Variants in ANAPC4 observed in about 807,000 individuals in gnomAD.
ANAPC4 encodes anaphase-promoting complex subunit 4.
In ANAPC4, 63 loss-of-function variants were observed where a neutral mutation model predicts 119.8. The ratio of observed to expected loss-of-function variants is 0.53; its 90% CI spans 0.43 to 0.65. The LOEUF (loss-of-function observed/expected upper bound fraction) is 0.65, where lower values mean the gene tolerates loss of function less well. ANAPC4 is among the 30% of genes least tolerant of loss of function. The pLI is 0.00. For missense variants in ANAPC4, 716 were observed against 945.1 expected (o/e 0.76, Z 3.18); for synonymous variants, 283 against 318.6 (o/e 0.89, Z 1.19).
In ANAPC4 at chr4:25,390,212, G is replaced by A; in HGVS notation, c.592G>A (p.Val198Ile). The A allele has an allele frequency of 6.2e-7, 1 of 1,609,348 alleles. No individual in the cohort carries two copies. The highest frequency in any genetic ancestry group is 1.1e-5 in the South Asian group (1 of 90,674). ...YAYGMFKIAR[V>I]TGIAGTCLAL... ...TTATGGAATGTTTAAAATTGCTCGA[G>A]TCACAGGGGTAAGATTTCTTTAACA... Residue 198 changes from valine to isoleucine, a missense_variant, in exon 8 of 29, where the codon GTC becomes ATC. Physicochemically the swap from Val to Ile is conservative, Grantham distance 29. Around this residue, in one of 3 missense-constraint regions of ANAPC4, gnomAD observed 202 missense variants for 293.5 expected, o/e 0.69. Coordinates refer to ENST00000315368, the MANE Select transcript of ANAPC4 (RefSeq NM_013367.3).
In ANAPC4 at chr4:25,413,703, G is replaced by T. The variant is rs1238408860; in HGVS notation, c.1584G>T (p.Arg528=). 1 of 1,613,416 alleles carries T rather than the reference G, an allele frequency of 6.2e-7. No homozygotes were observed. Among genetic ancestry groups the T allele is most frequent in the African/African-American group, 1.3e-5 (1 of 74,886 alleles). The part of the protein sequence containing the change: ...PRKSLHFVKR[R]MENIIDQCLQ... ...AATCATTGCATTTTGTGAAAAGGCG[G>T]ATGGAGAATATTATTGATCAGTGTT... The change falls in exon 22 of 29, where the codon CGG becomes CGT. Residue 528 remains arginine, a synonymous_variant. Coordinates refer to ENST00000315368, the MANE Select transcript of ANAPC4 (RefSeq NM_013367.3).
At chr4:25,415,360 G>A in intron 25 of ANAPC4, 106 bp from the exon 26 acceptor site, 1 of 778,532 alleles carries the variant, frequency 1.3e-6, no homozygotes. Flanking sequence ...GTGTTCTAAA[G>A]AAGTACATGT....
intron 10 of ANAPC4, among the ~76,000 whole-genome samples, chr4:25,393,494 T>G (rs978336957): frequency 6.6e-6 from 1 of 152,026 alleles, no homozygotes; most frequent in African/African-American, 2.4e-5. Context: ...AAGCCCCGTC[T>G]CTACTAAAAA....
rs118142327 is a variant in ANAPC4 at position 25,408,559 on chromosome 4, A to G, written c.1432-1139A>G. On this transcript the variant is annotated intron_variant, in intron 20 of 28. Coordinates refer to ENST00000315368, the MANE Select transcript of ANAPC4 (RefSeq NM_013367.3). ...AAAATTTTTTTTTTTTTGAGACAAG[A>G]TATTTCCTCTGAGTAGTACAGTGGT... Among the ~76,000 whole-genome samples the G allele has an allele frequency of 6.8e-3, 1,024 of 151,162 alleles. 33 individuals are homozygous for G. The East Asian group carries it at 0.11, about 16-fold the overall frequency.
chr4:25,379,824 G>A (rs1256640406), intron 2 of ANAPC4, among the ~76,000 whole-genome samples: 2 of 152,174 alleles, frequency 1.3e-5, no homozygotes, highest in Non-Finnish European at 2.9e-5. Context: ...AGCATGTGCA[G>A]TGGTGAGGCC....
At chr4:25,413,615 A>G (rs1403559280) in intron 21 of ANAPC4, 30 bp from the exon 22 acceptor site, 1 of 1,544,510 alleles carries the variant, frequency 6.5e-7, no homozygotes, top group East Asian at 2.3e-5. Context: ...AGCTTCTTTT[A>G]TTTTTGTTTC....
intron 9 of ANAPC4, 81 bp downstream of exon 9, chr4:25,391,096 G>A (rs1000475454): frequency 2.0e-6 from 2 of 1,022,216 alleles, no homozygotes; most frequent in East Asian, 2.5e-5. Context: ...ACATCTCACT[G>A]TATTGTAATG....
chr4:25,394,776 G>C (rs984178066), intron 13 of ANAPC4, 53 bp from the exon 14 acceptor site: 1 of 1,584,902 alleles, frequency 6.3e-7, no homozygotes, highest in Non-Finnish European at 8.6e-7. Flanking sequence ...TTTTTTTCGA[G>C]TGGCATATAA....
Position 25,377,491 on chromosome 4 carries a change from G to T in ANAPC4, c.64G>T (p.Glu22Ter). 1 of 1,614,076 alleles carries T rather than the reference G, an allele frequency of 6.2e-7. No homozygotes were observed. Among genetic ancestry groups the T allele is most frequent in the Non-Finnish European group, 8.5e-7 (1 of 1,179,992 alleles). Residue 22 changes from glutamate to a stop codon, truncating the protein, a stop_gained, in exon 2 of 29, where the codon GAG becomes TAG. Transcript: ENST00000315368. LOFTEE classifies it high-confidence loss of function. Reference protein sequence around the residue: ...RVVGEKQLPQEIIFLVWSPKR... With the variant: ...RVVGEKQLPQ ...GGTGGGAGAGAAGCAGCTCCCGCAG[G>T]AGATTATTTTCCTGGTCTGGTCGCC...
chr4:25,411,880 G>T (rs1029775701), intron 21 of ANAPC4, among the ~76,000 whole-genome samples: 19 of 152,152 alleles, frequency 1.2e-4, no homozygotes, highest in South Asian at 2.1e-4. Flanking sequence ...CACCAACGGG[G>T]TGTCCTACAA....
intron 2 of ANAPC4, among the ~76,000 whole-genome samples, chr4:25,377,834 C>T (rs1242048624): frequency 6.6e-6 from 1 of 152,232 alleles, no homozygotes; most frequent in Non-Finnish European, 1.5e-5. Flanking sequence ...TCCTGCTTCC[C>T]CAAGTCTTCT....
At chr4:25,415,645 CT>C (rs1212407272) in intron 26 of ANAPC4, 105 bp downstream of exon 26, 2 of 866,596 alleles carry the variant, frequency 2.3e-6, no homozygotes, top group Non-Finnish European at 1.8e-6. Context: ...GGTAAAAGGG[CT>C]TTGCCACTTC....
At position 25,394,916 on chromosome 4, in the gene ANAPC4, G is replaced by A; in HGVS notation, c.1061+11G>A. The A allele has an allele frequency of 6.2e-7, 1 of 1,604,974 alleles. No individual in the cohort carries two copies. ...AAGTCATTTACAGAGGTATGAAGGT[G>A]ACGTAGAATTTTTTGGTATTGTATC... On this transcript the variant is annotated intron_variant, in intron 14 of 28. Transcript: ENST00000315368.
At position 25,383,339 on chromosome 4, in the gene ANAPC4, C is replaced by T; in HGVS notation, c.314C>T (p.Ser105Phe). The change falls in exon 4 of 29, where the codon TCT (serine) becomes TTT (phenylalanine). Residue 105 changes from serine to phenylalanine, a missense_variant. By Grantham distance (155) the Ser-to-Phe change is radical. This residue lies in a region of ANAPC4 where 202 missense variants were observed against 293.5 expected (regional missense o/e 0.69). Transcript: ENST00000315368. Reference protein sequence around the residue: ...VEKPESLHSFSVEAPVSCMHW... With the variant: ...VEKPESLHSFFVEAPVSCMHW... ...AAACCTGAGAGCTTACACTCTTTTT[C>T]TGTGGAGGCTCCAGTTTCCTGTATG... The T allele has an allele frequency of 6.2e-7, 1 of 1,613,232 alleles. No individual in the cohort carries two copies. The highest frequency in any genetic ancestry group is 8.5e-7 in the Non-Finnish European group (1 of 1,179,660).
chr4:25,388,484 AT>A lies in ANAPC4; in HGVS notation c.369-10del. ...TCTTTGGTGTTTTTATAATGCTTTT[AT>A]TTTTTCCTTTTTAGTGTTCTCACAT... On this transcript the variant is annotated splice_polypyrimidine_tract_variant and intron_variant, in intron 4 of 28. Coordinates refer to ENST00000315368, the MANE Select transcript of ANAPC4 (RefSeq NM_013367.3). 6.6e-7 allele frequency: 1 copy of A among 1,520,280 alleles called. No individual in the cohort carries two copies. Among genetic ancestry groups the A allele is most frequent in the South Asian group, 1.2e-5 (1 of 83,934 alleles). The allele number at this position is 1,520,280 out of a possible 1,614,324, so 94.2% of individuals were successfully genotyped here. A position where few individuals can be genotyped will look rare whatever the true frequency, so the allele number is the denominator to read the frequency against.
At chr4:25,416,750 TTC>T (rs1281732358) in intron 27 of ANAPC4, 152 bp downstream of exon 27, 1 of 527,216 alleles carries the variant, frequency 1.9e-6, no homozygotes, top group Non-Finnish European at 3.0e-6. Context: ...CAATTTTTCA[TTC>T]AAAATATGCT....
chr4:25,418,423 G>C lies in ANAPC4; in HGVS notation c.*41G>C, dbSNP rs1192307280. On this transcript the variant is annotated 3_prime_UTR_variant, in exon 29 of 29. Transcript: ENST00000315368. ...TTGTGTGTGTAATTATGGCCAAAAG[G>C]ACATAGGAGATGGACTAAGATGTCT... 1.3e-5 allele frequency: 21 copies of C among 1,563,586 alleles called. No individual in the cohort carries two copies. Among genetic ancestry groups the C allele is most frequent in the Non-Finnish European group, 1.8e-5 (21 of 1,139,040 alleles).
chr4:25,404,082 T>G (rs1319173743), intron 17 of ANAPC4, among the ~76,000 whole-genome samples: 1 of 152,150 alleles, frequency 6.6e-6, no homozygotes, highest in Non-Finnish European at 1.5e-5. Flanking sequence ...AAGAGTAAAA[T>G]AGAATGAAAA....
rs138369585 is a variant in ANAPC4, at chr4:25,389,358, C to T, written c.515+476C>T. Among the ~76,000 whole-genome samples the T allele has an allele frequency of 1.5e-4, 23 of 152,300 alleles. 1 individual carries two copies. In the East Asian group the frequency reaches 4.3e-3, roughly 28 times the overall value. ...ATTTTTAGTAGGGACGGGGTTTCAC[C>T]ATGTTGGCCAGGATGGTCTCGATCT... On this transcript the variant is annotated intron_variant, in intron 7 of 28. Coordinates refer to ENST00000315368, the MANE Select transcript of ANAPC4 (RefSeq NM_013367.3).
Sources: gnomAD v4.1 joint callset for allele counts (sites outside exome capture counted in the v4.1 genomes callset) on GRCh38, gnomAD v4.1.1 for gene constraint, gnomAD v4.1.1 regional missense constraint, MANE v1.5 for transcripts, NCBI Gene and HGNC (gene_info 2026-07-23, HGNC 2026-07-21) for gene names.